Variants in ROR2 observed in about 807,000 individuals in gnomAD.
The protein encoded by ROR2 is ROR family WNT receptor 2, also known as tyrosine-protein kinase transmembrane receptor ROR2.
Under a neutral mutation model 74.9 loss-of-function variants are expected in ROR2, and 33 were observed. That is an observed-to-expected ratio of 0.44 (90% CI 0.33 to 0.59). The LOEUF (loss-of-function observed/expected upper bound fraction) is 0.59, where lower values mean the gene tolerates loss of function less well. Ranked by LOEUF, ROR2 falls within the 20% of genes least tolerant of loss-of-function variation. ROR2 has a pLI of 0.02. For missense variants in ROR2, 1,216 were observed against 1,313.8 expected (o/e 0.93, Z 1.15); for synonymous variants, 586 against 558.7 (o/e 1.05, Z -0.69).
chr9:91,948,793 G>A (rs959403130), intron 1 of ROR2: 21 of 985,350 alleles, frequency 2.1e-5, no homozygotes, highest in African/African-American at 5.2e-5. Context: ...GGGGGCTTCA[G>A]GCGAACCCCA....
intron 1 of ROR2, among the ~76,000 whole-genome samples, chr9:91,783,231 T>C (rs1826682304): frequency 6.6e-6 from 1 of 152,170 alleles, no homozygotes; most frequent in Admixed American, 6.5e-5. Context: ...GATCTCCAAA[T>C]AAGGGCACAT....
intron 1 of ROR2, among the ~76,000 whole-genome samples, chr9:91,776,432 A>C (rs1475993191): frequency 6.6e-6 from 1 of 152,178 alleles, no homozygotes. Flanking sequence ...AATGTCCATG[A>C]CCAGCCATTT....
At chr9:91,843,844 G>A (rs1185067504) in intron 1 of ROR2, among the ~76,000 whole-genome samples, 2 of 152,222 alleles carry the variant, frequency 1.3e-5, no homozygotes, top group Non-Finnish European at 2.9e-5. Context: ...AGAAGGGCTT[G>A]GCAGAGTTTT....
At chr9:91,911,983 C>CA in intron 1 of ROR2, among the ~76,000 whole-genome samples, 1 of 109,526 alleles carries the variant, frequency 9.1e-6, no homozygotes. Flanking sequence ...GGACATTCAA[C>CA]AAAATTTATC....
chr9:91,830,808 C>CAGTGTG (rs1563987406), intron 1 of ROR2, among the ~76,000 whole-genome samples: 1 of 87,934 alleles, frequency 1.1e-5, no homozygotes, highest in African/African-American at 4.9e-5. Context: ...ATAACTGTGT[C>CAGTGTG]CGTGTGTGTG....
At chr9:91,786,632 G>C (rs1826813676) in intron 1 of ROR2, among the ~76,000 whole-genome samples, 1 of 152,176 alleles carries the variant, frequency 6.6e-6, no homozygotes, top group Admixed American at 6.5e-5. Context: ...CACTTGTGGA[G>C]CTCTGTGAAA....
intron 1 of ROR2, among the ~76,000 whole-genome samples, chr9:91,893,441 CT>C (rs1830470798): frequency 6.6e-6 from 1 of 151,276 alleles, no homozygotes; most frequent in African/African-American, 2.4e-5. Context: ...GTGACTCTGT[CT>C]TAAAAAAAAA....
At chr9:91,763,691 T>C (rs1825981516) in intron 2 of ROR2, among the ~76,000 whole-genome samples, 1 of 152,278 alleles carries the variant, frequency 6.6e-6, no homozygotes, top group African/African-American at 2.4e-5. Flanking sequence ...TCCTTTTCTA[T>C]GTATGCATTA....
At chr9:91,911,692 TGGA>T (rs1479286324) in intron 1 of ROR2, among the ~76,000 whole-genome samples, 1 of 151,922 alleles carries the variant, frequency 6.6e-6, no homozygotes, top group Non-Finnish European at 1.5e-5. Context: ...CTAGAATTAG[TGGA>T]GGAGAACATG....
chr9:91,750,183 T>C (rs977780085), intron 4 of ROR2, among the ~76,000 whole-genome samples: 3 of 152,232 alleles, frequency 2.0e-5, no homozygotes, highest in African/African-American at 7.2e-5. Context: ...ATTACAGGCA[T>C]GAGCCGCTGC....
intron 1 of ROR2, among the ~76,000 whole-genome samples, chr9:91,800,150 C>T (rs1448377430): frequency 2.6e-5 from 4 of 152,036 alleles, no homozygotes; most frequent in African/African-American, 4.8e-5. Context: ...GAGACCAGTC[C>T]GGCCAACATG....
At chr9:91,850,169 A>C (rs1428417797) in intron 1 of ROR2, among the ~76,000 whole-genome samples, 1 of 152,214 alleles carries the variant, frequency 6.6e-6, no homozygotes, top group Admixed American at 6.5e-5. Flanking sequence ...TGGATGTGGT[A>C]ATCTATACTC....
intron 1 of ROR2, among the ~76,000 whole-genome samples, chr9:91,858,585 A>G (rs554106759): frequency 1.3e-5 from 2 of 152,286 alleles, no homozygotes; most frequent in South Asian, 4.1e-4. Flanking sequence ...CTGGGCTACA[A>G]TTTGAGAACT....
At chr9:91,749,485 A>G (rs1825537907) in intron 4 of ROR2, among the ~76,000 whole-genome samples, 3 of 152,176 alleles carry the variant, frequency 2.0e-5, no homozygotes, top group Non-Finnish European at 4.4e-5. Context: ...CACCTTTCTA[A>G]AGGTCCTGTC....
At chr9:91,925,466 A>ATGTGTGTGTGTGTGTGTGTGTGTG (rs35012954) in intron 1 of ROR2, among the ~76,000 whole-genome samples, 4 of 144,508 alleles carry the variant, frequency 2.8e-5, no homozygotes, top group Admixed American at 2.0e-4. Context: ...AGCTGCCTGT[A>ATGTGTGTGTGTGTGTGTGTGTGTG]TGTGTGTGTG....
intron 4 of ROR2, among the ~76,000 whole-genome samples, chr9:91,752,228 C>T (rs746722673): frequency 2.0e-5 from 3 of 152,182 alleles, no homozygotes; most frequent in Non-Finnish European, 4.4e-5. Context: ...AGCAATTCTA[C>T]GCCTAGTTAA....
chr9:91,831,822 A>T (rs1042296017), intron 1 of ROR2, among the ~76,000 whole-genome samples: 1 of 152,166 alleles, frequency 6.6e-6, no homozygotes, highest in East Asian at 1.9e-4. Context: ...TCAAAAAAAT[A>T]AAAAAGCAAG....
chr9:91,877,794 G>A (rs1471707594), intron 1 of ROR2, among the ~76,000 whole-genome samples: 1 of 152,178 alleles, frequency 6.6e-6, no homozygotes, highest in Admixed American at 6.5e-5. Context: ...ACAGGAGAAG[G>A]AAGTACCACG....
chr9:91,840,213 C>G (rs1828739851), intron 1 of ROR2, among the ~76,000 whole-genome samples: 1 of 152,182 alleles, frequency 6.6e-6, no homozygotes, highest in Admixed American at 6.5e-5. Flanking sequence ...GAGCAAGGAC[C>G]AGCAGCTGCA....
Sources: allele counts gnomAD v4.1 joint callset (sites outside exome capture counted in the v4.1 genomes callset), GRCh38; gene constraint gnomAD v4.1.1; transcripts MANE v1.5; gene names NCBI Gene and HGNC (gene_info 2026-07-23, HGNC 2026-07-21).